Variants in GLDC observed in about 807,000 individuals in gnomAD.
GLDC encodes glycine decarboxylase.
GLDC carries 104 observed loss-of-function variants against 121.3 expected under a neutral mutation model. The observed-to-expected ratio is 0.86, with a 90% confidence interval of 0.73 to 1.01. The LOEUF (loss-of-function observed/expected upper bound fraction) is 1.01, where lower values mean the gene tolerates loss of function less well. GLDC is among the 50% of genes least tolerant of loss of function. The probability of loss-of-function intolerance (pLI) is 0.00; values close to 1 mark genes in which losing one functional copy is unlikely to be tolerated. For synonymous variants in GLDC, 546 were observed against 480.6 expected (o/e 1.14, Z -1.78); for missense variants, 1,429 against 1,306.6 (o/e 1.09, Z -1.44).
At chr9:6,537,614 CTACAAAAAA>C (rs1817158728) in intron 22 of GLDC, among the ~76,000 whole-genome samples, 1 of 152,294 alleles carries the variant, frequency 6.6e-6, no homozygotes, top group African/African-American at 2.4e-5. Context: ...AACCCCGTCT[CTACAAAAAA>C]TACAAAAATT....
At chr9:6,601,998 G>A (rs755811241) in intron 8 of GLDC, 111 bp downstream of exon 8, 8 of 744,228 alleles carry the variant, frequency 1.1e-5, no homozygotes, top group African/African-American at 3.4e-5. Context: ...CATTTCTGGT[G>A]TGCTCACTGC....
intron 15 of GLDC, among the ~76,000 whole-genome samples, chr9:6,584,709 A>C (rs10975663): frequency 0.53 from 81,220 of 152,066 alleles, 22,193 homozygotes; most frequent in African/African-American, 0.58. Context: ...CATGACCAGA[A>C]ACATCCTTCA....
chr9:6,556,168 T>G lies in GLDC; in HGVS notation c.2187A>C (p.Ala729=). The G allele has an allele frequency of 6.2e-7, 1 of 1,613,086 alleles. No individual in the cohort carries two copies. Among genetic ancestry groups the G allele is most frequent in the Non-Finnish European group, 8.5e-7 (1 of 1,179,554 alleles). Residue 729 remains alanine, a synonymous_variant, in exon 18 of 25, where the codon GCA becomes GCC. Coordinates refer to ENST00000321612, the MANE Select transcript of GLDC (RefSeq NM_000170.3). ...CAGTTCCCACCTGAGCATTCATATT[T>G]GCCCCGTCTAGGTAGACCTGTCCTC... ...QHGGQVYLDG[A]NMNAQVGICR...
rs969613210 is a variant in GLDC at position 6,532,783 on chromosome 9, A to G, written c.*234T>C. 1 of 530,518 alleles carries G rather than the reference A, an allele frequency of 1.9e-6. No homozygotes were observed. Among genetic ancestry groups the G allele is most frequent in the Non-Finnish European group, 3.4e-6 (1 of 293,950 alleles). The allele number at this position is 530,518 out of a possible 1,614,324, so 32.9% of individuals were successfully genotyped here. A position where few individuals can be genotyped will look rare whatever the true frequency, so the allele number is the denominator to read the frequency against. On this transcript the variant is annotated 3_prime_UTR_variant, in exon 25 of 25. Transcript: ENST00000321612. Reference sequence around the variant, plus strand: ...TACGCAAAACACAAAATGGCTCCCAATCCAGGCAACTGGCACATGTGGAAG... The same window carrying G: ...TACGCAAAACACAAAATGGCTCCCAGTCCAGGCAACTGGCACATGTGGAAG...
At chr9:6,612,233 ACT>A (rs1491065784) in intron 3 of GLDC, among the ~76,000 whole-genome samples, 1 of 143,138 alleles carries the variant, frequency 7.0e-6, no homozygotes, top group Non-Finnish European at 1.5e-5. Flanking sequence ...TCACACACAC[ACT>A]CTTTCTCTCT....
intron 10 of GLDC, 85 bp from the exon 11 acceptor site, chr9:6,592,308 A>C (rs1818390831): frequency 1.2e-6 from 1 of 833,736 alleles, no homozygotes; most frequent in South Asian, 1.3e-5. Context: ...AAGGGGAGAC[A>C]GTGCTAAACA....
chr9:6,573,376 G>T (rs1311161387), intron 15 of GLDC, among the ~76,000 whole-genome samples: 1 of 152,146 alleles, frequency 6.6e-6, no homozygotes. Context: ...CACAAGAATC[G>T]CTTGAGCCCG....
chr9:6,624,942 C>G (rs556764942), intron 2 of GLDC, among the ~76,000 whole-genome samples: 2 of 151,508 alleles, frequency 1.3e-5, no homozygotes, highest in East Asian at 3.9e-4. Flanking sequence ...GAGCTGAGAT[C>G]ACGCCACTGC....
intron 2 of GLDC, among the ~76,000 whole-genome samples, chr9:6,623,486 C>T (rs1020104488): frequency 6.7e-6 from 1 of 150,258 alleles, no homozygotes; most frequent in African/African-American, 2.5e-5. Context: ...TGCGGAAGGC[C>T]GCAGGGTCCT....
At chr9:6,598,561 G>C (rs1019087803) in intron 8 of GLDC, among the ~76,000 whole-genome samples, 2 of 152,158 alleles carry the variant, frequency 1.3e-5, no homozygotes, top group African/African-American at 4.8e-5. Flanking sequence ...CAGAAGGCGG[G>C]GGTCAAAGAC....
intron 15 of GLDC, among the ~76,000 whole-genome samples, chr9:6,570,457 T>A (rs1817937567): frequency 6.6e-6 from 1 of 152,214 alleles, no homozygotes; most frequent in Non-Finnish European, 1.5e-5. Context: ...ACCATCATAG[T>A]TTGTGCACGG....
intron 9 of GLDC, among the ~76,000 whole-genome samples, chr9:6,594,197 T>C (rs1818442351): frequency 6.6e-6 from 1 of 152,182 alleles, no homozygotes; most frequent in African/African-American, 2.4e-5. Context: ...ATTTTGTATC[T>C]CTTTCATTAA....
intron 17 of GLDC, 130 bp downstream of exon 17, chr9:6,558,428 TG>T: frequency 9.6e-7 from 1 of 1,045,392 alleles, no homozygotes; most frequent in Non-Finnish European, 1.5e-6. Context: ...GAGTAGACTC[TG>T]GTCAAAGGAA....
chr9:6,609,803 C>T (rs574391517), intron 4 of GLDC, among the ~76,000 whole-genome samples: 1 of 152,240 alleles, frequency 6.6e-6, no homozygotes, highest in East Asian at 1.9e-4. Context: ...CCCTGCTGGC[C>T]CACCCTCGCA....
intron 21 of GLDC, 68 bp from the exon 22 acceptor site, chr9:6,540,214 A>C (rs1817226581): frequency 4.0e-6 from 4 of 999,968 alleles, no homozygotes; most frequent in South Asian, 3.8e-5. Context: ...CAAATGAATA[A>C]GTAATTTAAT....
At chr9:6,560,230 C>A (rs901654176) in intron 16 of GLDC, among the ~76,000 whole-genome samples, 16 of 152,102 alleles carry the variant, frequency 1.1e-4, no homozygotes, top group African/African-American at 3.6e-4. Context: ...ATTTTTTATC[C>A]CACAGAGAGA....
chr9:6,541,247 C>T (rs1222640781), intron 21 of GLDC: 1 of 152,162 alleles, frequency 6.6e-6, no homozygotes, highest in African/African-American at 2.4e-5. Context: ...AGGAATAAAC[C>T]ATTAAGTCAG....
chr9:6,563,048 T>C (rs1385079022), intron 16 of GLDC, among the ~76,000 whole-genome samples: 1 of 152,002 alleles, frequency 6.6e-6, no homozygotes, highest in Non-Finnish European at 1.5e-5. Context: ...GATGGCAGGA[T>C]GGGCAATGGG....
At chr9:6,622,629 A>C (rs900124430) in intron 2 of GLDC, among the ~76,000 whole-genome samples, 5 of 151,916 alleles carry the variant, frequency 3.3e-5, no homozygotes, top group African/African-American at 1.2e-4. Context: ...TGGCCTCCCA[A>C]AGTGCCGAGA....
Sources: allele counts gnomAD v4.1 joint callset (sites outside exome capture counted in the v4.1 genomes callset), GRCh38; gene constraint gnomAD v4.1.1; transcripts MANE v1.5; gene names NCBI Gene and HGNC (gene_info 2026-07-23, HGNC 2026-07-21).